The following TOP6BL variants were observed in gnomAD, a reference collection of about 807,000 sequenced individuals.
TOP6BL encodes type 2 DNA topoisomerase 6 subunit B-like.
chr11:66,800,640 G>A, the TOP6BL span: 1 of 1,597,546 alleles, frequency 6.3e-7, no homozygotes, highest in Non-Finnish European at 8.5e-7. Flanking sequence ...TTGTTTTGCA[G>A]GTCAGATTTC....
chr11:66,795,023 A>C, the TOP6BL span, among the ~76,000 whole-genome samples: 2 of 151,916 alleles, frequency 1.3e-5, no homozygotes, highest in Non-Finnish European at 2.9e-5. Flanking sequence ...AGTCCCAGCT[A>C]CTCAGGAGGC....
the TOP6BL span, among the ~76,000 whole-genome samples, chr11:66,832,161 G>C: frequency 1.3e-5 from 2 of 150,980 alleles, no homozygotes; most frequent in Non-Finnish European, 3.0e-5. Context: ...GCAGTGGCGT[G>C]ATCTCGGCTC....
the TOP6BL span, chr11:66,822,588 C>G: frequency 1.9e-6 from 3 of 1,552,312 alleles, no homozygotes; most frequent in Non-Finnish European, 1.7e-6. Flanking sequence ...ACAGGCCTCA[C>G]TCTCAGTGGC....
the TOP6BL span, chr11:66,822,612 A>C: frequency 1.3e-6 from 2 of 1,553,222 alleles, no homozygotes; most frequent in Non-Finnish European, 8.7e-7. Context: ...GAACTCCATC[A>C]TGAGTATTCT....
At chr11:66,800,840 T>G in the TOP6BL span, 1 of 929,526 alleles carries the variant, frequency 1.1e-6, no homozygotes, top group East Asian at 2.6e-5. Flanking sequence ...CCCCCACATT[T>G]TATTATTTTA....
the TOP6BL span, among the ~76,000 whole-genome samples, chr11:66,835,837 G>A: frequency 2.0e-5 from 3 of 152,048 alleles, no homozygotes; most frequent in African/African-American, 7.3e-5. Flanking sequence ...CCACTTTTCG[G>A]CTATTATGAA....
chr11:66,745,324 C>A, the TOP6BL span, among the ~76,000 whole-genome samples: 1 of 142,026 alleles, frequency 7.0e-6, no homozygotes, highest in Non-Finnish European at 1.5e-5. Context: ...TGGGGGGAGT[C>A]GGGGCGCCAG....
chr11:66,757,034 G>A, the TOP6BL span, among the ~76,000 whole-genome samples: 6 of 151,170 alleles, frequency 4.0e-5, no homozygotes, highest in East Asian at 5.9e-4. Context: ...TATAAAGGGC[G>A]GAGGCGGCGG....
At chr11:66,829,449 C>T in the TOP6BL span, among the ~76,000 whole-genome samples, 2 of 152,070 alleles carry the variant, frequency 1.3e-5, no homozygotes, top group Non-Finnish European at 2.9e-5. Flanking sequence ...GCGACATGCA[C>T]CTGTAATCCC....
chr11:66,815,443 C>G, the TOP6BL span, among the ~76,000 whole-genome samples: 1 of 152,114 alleles, frequency 6.6e-6, no homozygotes, highest in Non-Finnish European at 1.5e-5. Flanking sequence ...GACCACTGGG[C>G]AATGGATTAC....
the TOP6BL span, among the ~76,000 whole-genome samples, chr11:66,834,559 G>A: frequency 6.6e-6 from 1 of 152,154 alleles, no homozygotes. Flanking sequence ...GAGTAACAGG[G>A]AAGAAAACCA....
the TOP6BL span, among the ~76,000 whole-genome samples, chr11:66,818,745 G>T: frequency 6.6e-6 from 1 of 152,152 alleles, no homozygotes; most frequent in South Asian, 2.1e-4. Context: ...CTTCTGGCAG[G>T]CTTTTTTTAA....
chr11:66,804,744 C>T, the TOP6BL span, among the ~76,000 whole-genome samples: 3 of 152,126 alleles, frequency 2.0e-5, no homozygotes, highest in African/African-American at 7.2e-5. Context: ...TTGAGACCAG[C>T]CTGGCCAATA....
chr11:66,775,632 G>C, the TOP6BL span, among the ~76,000 whole-genome samples: 1 of 152,162 alleles, frequency 6.6e-6, no homozygotes, highest in Non-Finnish European at 1.5e-5. Flanking sequence ...CTTTAGCCCA[G>C]GTCTTGCTTA....
the TOP6BL span, among the ~76,000 whole-genome samples, chr11:66,755,800 T>G: frequency 9.8e-5 from 15 of 152,304 alleles, no homozygotes; most frequent in South Asian, 2.1e-4. Flanking sequence ...TGACAATCCT[T>G]GGTATTTCTT....
the TOP6BL span, among the ~76,000 whole-genome samples, chr11:66,817,235 T>C: frequency 6.6e-6 from 1 of 152,210 alleles, no homozygotes; most frequent in African/African-American, 2.4e-5. Flanking sequence ...CTTTTCATCA[T>C]CATGCTGCCT....
At chr11:66,748,352 G>A in the TOP6BL span, 33 of 1,490,962 alleles carry the variant, frequency 2.2e-5, no homozygotes, top group East Asian at 7.7e-4. Context: ...AGAAGATTAT[G>A]TTTTCTTTGA....
chr11:66,745,033 G>A, the TOP6BL span: 1 of 1,118,790 alleles, frequency 8.9e-7, no homozygotes, highest in South Asian at 4.6e-5. Context: ...GAAGGAGGAA[G>A]GTTCGGGAAT....
chr11:66,836,422 G>A, the TOP6BL span, among the ~76,000 whole-genome samples: 1 of 151,930 alleles, frequency 6.6e-6, no homozygotes, highest in Admixed American at 6.6e-5. Flanking sequence ...TGTTAGCCAG[G>A]ATGGTCTCAA....
Sources: gnomAD v4.1 joint callset for allele counts (sites outside exome capture counted in the v4.1 genomes callset) on GRCh38, gnomAD v4.1.1 for gene constraint, MANE v1.5 for transcripts, NCBI Gene and HGNC (gene_info 2026-07-23, HGNC 2026-07-21) for gene names.